Variants in NFIC observed in about 807,000 individuals in gnomAD.
NFIC encodes the protein nuclear factor 1 C-type.
NFIC carries 12 observed loss-of-function variants against 54.4 expected under a neutral mutation model. The observed-to-expected ratio is 0.22, with a 90% confidence interval of 0.14 to 0.36. The LOEUF is 0.36. NFIC is among the 10% of genes least tolerant of loss of function. The probability of loss-of-function intolerance (pLI) is 1.00; values close to 1 mark genes in which losing one functional copy is unlikely to be tolerated. For missense variants in NFIC, 575 were observed against 718.2 expected (o/e 0.80, Z 2.28); for synonymous variants, 322 against 319.2 (o/e 1.01, Z -0.09).
chr19:3,461,793 C>T (rs551174094), intron 10 of NFIC, among the ~76,000 whole-genome samples: 2 of 152,020 alleles, frequency 1.3e-5, no homozygotes, highest in African/African-American at 2.4e-5. Context: ...GAGTGGCTCA[C>T]GCCTGTAATC....
In NFIC at chr19:3,436,277, G is replaced by A. The variant is rs996157712; in HGVS notation, c.958+1070G>A. Among the ~76,000 whole-genome samples, 99 of 148,886 alleles carry A rather than the reference G, an allele frequency of 6.6e-4. 1 individual carries two copies. Among genetic ancestry groups the A allele is most frequent in the Non-Finnish European group, 1.8e-4 (12 of 67,374 alleles). On this transcript the variant is annotated intron_variant, in intron 6 of 10. Transcript: ENST00000443272. Reference sequence around the variant, plus strand: ...CTCCTGCCTCAGCCTCCCAAGTATCGGACTGCAGGTGCATACTGCCATGCG... The same window carrying A: ...CTCCTGCCTCAGCCTCCCAAGTATCAGACTGCAGGTGCATACTGCCATGCG...
chr19:3,402,328 G>A (rs1192356299), intron 2 of NFIC, among the ~76,000 whole-genome samples: 1 of 152,244 alleles, frequency 6.6e-6, no homozygotes, highest in Non-Finnish European at 1.5e-5. Context: ...GGGATTACAG[G>A]CTGGAGCCAC....
rs2082167574 is a variant in NFIC at position 3,434,482 on chromosome 19, C to T, written c.833+82C>T. ...CCCTCTGGCCCGAGCTGACTCATTC[C>T]TCTCCCTGGAATACCTCTTTTCACG... is the stretch of plus-strand genomic sequence containing the variant. On this transcript the variant is annotated intron_variant, in intron 5 of 10. Transcript: ENST00000443272. 3 of 1,475,528 alleles carry T rather than the reference C, an allele frequency of 2.0e-6. No individual in the cohort carries two copies. The South Asian group carries it at 4.1e-5, about 20-fold the overall frequency. 91.4% of individuals were successfully genotyped at this position (1,475,528 alleles called of 1,614,324 possible).
chr19:3,401,863 A>AG (rs2081562036), intron 2 of NFIC, among the ~76,000 whole-genome samples: 1 of 151,796 alleles, frequency 6.6e-6, no homozygotes, highest in African/African-American at 2.4e-5. Context: ...CTGGGACTAC[A>AG]AGTGTGCACC....
At chr19:3,436,892 CCTGGG>C (rs535316981) in intron 6 of NFIC, among the ~76,000 whole-genome samples, 72 of 152,090 alleles carry the variant, frequency 4.7e-4, no homozygotes, top group Non-Finnish European at 8.1e-4. Context: ...TGCTGTGTAA[CCTGGG>C]GCACATCACT....
upstream of NFIC, among the ~76,000 whole-genome samples, chr19:3,362,335 C>T (rs904507052): frequency 6.6e-6 from 1 of 151,668 alleles, no homozygotes; most frequent in African/African-American, 2.4e-5. Context: ...TATATCCATG[C>T]GTTGTGCTTG....
In NFIC at chr19:3,463,640, C is replaced by A. The variant is rs1055386384; in HGVS notation, c.*871C>A. On this transcript the variant is annotated 3_prime_UTR_variant, in exon 11 of 11. Coordinates refer to ENST00000443272, the MANE Select transcript of NFIC (RefSeq NM_001245002.2). ...CCCCGGCCCCTCCACCCCCCACCCC[C>A]GGCATAGGAGGCCCCCCCACCTCGC... 2.1e-6 allele frequency: 2 copies of A among 968,726 alleles called. No homozygotes were observed. Among genetic ancestry groups the A allele is most frequent in the African/African-American group, 3.5e-5 (2 of 56,438 alleles). 60.0% of individuals were successfully genotyped at this position (968,726 alleles called of 1,614,324 possible).
chr19:3,448,515 A>AG (rs1165809200), intron 6 of NFIC, among the ~76,000 whole-genome samples: 1 of 152,100 alleles, frequency 6.6e-6, no homozygotes, highest in Non-Finnish European at 1.5e-5. Flanking sequence ...GTCACTGCAG[A>AG]GGGGGGATGC....
At chr19:3,409,981 G>C (rs1003830986) in intron 2 of NFIC, among the ~76,000 whole-genome samples, 2 of 152,184 alleles carry the variant, frequency 1.3e-5, no homozygotes, top group Admixed American at 6.5e-5. Flanking sequence ...ACAGAGGTGG[G>C]AGGATTGCTT....
rs991799368 is a variant in NFIC, at chr19:3,453,924, C to T, written c.1423+8C>T. 8.5e-6 allele frequency: 13 copies of T among 1,523,234 alleles called. No homozygotes were observed. Among genetic ancestry groups the T allele is most frequent in the African/African-American group, 5.6e-5 (4 of 70,906 alleles). The allele number at this position is 1,523,234 out of a possible 1,614,324, so 94.4% of individuals were successfully genotyped here. A position where few individuals can be genotyped will look rare whatever the true frequency, so the allele number is the denominator to read the frequency against. ...CGTCGCCGACCTCGCCTTGTAAGCA[C>T]GCGGGAAGCGGTGCCCTGGTGGGGC... On this transcript the variant is annotated splice_region_variant and intron_variant, in intron 9 of 10. Coordinates refer to ENST00000443272, the MANE Select transcript of NFIC (RefSeq NM_001245002.2). This position sits in a 1 kb window ranked among gnomAD's most constrained non-coding sequence, Gnocchi z 6.7.
rs2082686749 is a variant in NFIC, at chr19:3,464,328, C to T, written c.*1559C>T. ...GGCCCCCCGCAGCCGTGTAGGGGGCCTCCCATCTGCTAAGCGTTTTTCCGT... is the reference window on the plus strand; with the variant it reads ...GGCCCCCCGCAGCCGTGTAGGGGGCTTCCCATCTGCTAAGCGTTTTTCCGT... On this transcript the variant is annotated 3_prime_UTR_variant, in exon 11 of 11. Coordinates refer to ENST00000443272, the MANE Select transcript of NFIC (RefSeq NM_001245002.2). 32 of 985,176 alleles carry T rather than the reference C, an allele frequency of 3.2e-5. No individual in the cohort carries two copies. The highest frequency in any genetic ancestry group is 3.7e-5 in the Non-Finnish European group (31 of 829,832). The allele number at this position is 985,176 out of a possible 1,614,324, so 61.0% of individuals were successfully genotyped here.
intron 6 of NFIC, among the ~76,000 whole-genome samples, chr19:3,436,321 T>A (rs1389113688): frequency 1.4e-5 from 2 of 141,694 alleles, no homozygotes; most frequent in African/African-American, 2.8e-5. Context: ...TTTTTTTTTT[T>A]TTTTTTTTTT....
intron 3 of NFIC, among the ~76,000 whole-genome samples, chr19:3,428,314 C>T (rs1215290650): frequency 3.3e-5 from 5 of 150,874 alleles, no homozygotes; most frequent in East Asian, 3.9e-4. Context: ...GCCAACATGG[C>T]GAAACCCCAT....
Position 3,449,197 on chromosome 19 carries a change from A to T in NFIC, c.1084+58A>T, listed in dbSNP as rs2145674181. 2 of 1,566,854 alleles carry T rather than the reference A, an allele frequency of 1.3e-6. 1 individual carries two copies. Among genetic ancestry groups the T allele is most frequent in the Admixed American group, 3.9e-5 (2 of 51,618 alleles). ...GGCGGGCCCTCCTATCAGGCCTCTC[A>T]CAGCCGGGGAAGTCCCACTGGATGT... On this transcript the variant is annotated intron_variant, in intron 7 of 10. Coordinates refer to ENST00000443272, the MANE Select transcript of NFIC (RefSeq NM_001245002.2).
At chr19:3,411,398 G>T (rs1006782666) in intron 2 of NFIC, among the ~76,000 whole-genome samples, 2 of 144,252 alleles carry the variant, frequency 1.4e-5, no homozygotes, top group Non-Finnish European at 3.0e-5. Flanking sequence ...CACGATCTCG[G>T]TTCACTGCAA....
Position 3,434,338 on chromosome 19 carries a change from A to T in NFIC, c.771A>T (p.Ala257=), listed in dbSNP as rs373306178. ...FSLGELQGHL[A]YDLNPASTGL... ...TGGGGGAGCTGCAGGGGCACCTGGCATACGACCTGAACCCAGCCAGCACTG... is the reference window on the plus strand; with the variant it reads ...TGGGGGAGCTGCAGGGGCACCTGGCTTACGACCTGAACCCAGCCAGCACTG... The change falls in exon 5 of 11, where the codon GCA becomes GCT. Residue 257 remains alanine (A), a synonymous_variant. Transcript: ENST00000443272. 24 of 1,613,528 alleles carry T rather than the reference A, an allele frequency of 1.5e-5. No individual in the cohort carries two copies. The African/African-American group carries it at 3.2e-4, about 21-fold the overall frequency.
Position 3,407,275 on chromosome 19 carries a change from G to A in NFIC, c.563-17831G>A, listed in dbSNP as rs574691029. ...ACTACAGGCGCCCGCCACCACGCCC[G>A]GCTATAGTTTTGTATTTTTAGTAGA... On this transcript the variant is annotated intron_variant, in intron 2 of 10. Transcript: ENST00000443272. Among the ~76,000 whole-genome samples, 10 of 151,908 alleles carry A rather than the reference G, an allele frequency of 6.6e-5. No individual in the cohort carries two copies. In the South Asian group the frequency reaches 8.3e-4, roughly 13 times the overall value.
At chr19:3,433,425 G>A (rs528039009) in intron 3 of NFIC, 93 bp from the exon 4 acceptor site, 37 of 1,355,112 alleles carry the variant, frequency 2.7e-5, no homozygotes, top group East Asian at 7.1e-5. Flanking sequence ...GTCCAGGCTC[G>A]GGCCAGCCCC....
At chr19:3,455,817 CACTT>C (rs1297094114) in intron 9 of NFIC, among the ~76,000 whole-genome samples, 2 of 152,194 alleles carry the variant, frequency 1.3e-5, no homozygotes, top group Non-Finnish European at 2.9e-5. Flanking sequence ...ATACAGTACA[CACTT>C]AATAAATGCA....
Sources: gnomAD v4.1 joint callset for allele counts (sites outside exome capture counted in the v4.1 genomes callset) on GRCh38, gnomAD v4.1.1 for gene constraint, Gnocchi (gnomAD v3.1) non-coding constraint, MANE v1.5 for transcripts, NCBI Gene and HGNC (gene_info 2026-07-23, HGNC 2026-07-21) for gene names.